The following TMEM272 variants were observed in gnomAD, a reference collection of about 807,000 sequenced individuals.
TMEM272 encodes transmembrane protein 272, also known as long intergenic non-protein coding RNA 282.
In TMEM272, 8 loss-of-function variants were observed where a neutral mutation model predicts 3.7. The ratio of observed to expected loss-of-function variants is 2.17; its 90% CI spans 1.27 to 3.91. The LOEUF is 3.91. Among genes scored for constraint, TMEM272 ranks in the 30% most tolerant of loss-of-function variants. TMEM272 has a pLI of 0.00. For missense variants in TMEM272, 166 were observed against 91.5 expected, an observed-to-expected ratio of 1.81 and a Z score of -3.32; for synonymous variants, 63 against 39.8, an observed-to-expected ratio of 1.58 and a Z score of -2.20.
At position 51,813,514 on chromosome 13, in the gene TMEM272, T is replaced by C. The variant is rs1029661663; in HGVS notation, c.*3237A>G. On this transcript the variant is annotated 3_prime_UTR_variant, in exon 5 of 5. Transcript: ENST00000629372. Reference sequence around the variant, plus strand: ...TGGAAGTGACATTATATTGTCCTCATGGTGACAACCAGGATGGGCCTGACA... The same window carrying C: ...TGGAAGTGACATTATATTGTCCTCACGGTGACAACCAGGATGGGCCTGACA... 2 of 359,246 alleles carry C rather than the reference T, an allele frequency of 5.6e-6. No individual in the cohort carries two copies. Among genetic ancestry groups the C allele is most frequent in the African/African-American group, 4.2e-5 (2 of 47,652 alleles). 22.3% of individuals were successfully genotyped at this position (359,246 alleles called of 1,614,324 possible).
chr13:51,910,291 A>G, the TMEM272 span: 2 of 1,426,006 alleles, frequency 1.4e-6, no homozygotes, highest in East Asian at 2.3e-5. Context: ...TCCTCTAAAG[A>G]TGACTCTACT....
the TMEM272 span, among the ~76,000 whole-genome samples, chr13:51,874,624 G>C: frequency 2.6e-5 from 4 of 152,168 alleles, no homozygotes; most frequent in African/African-American, 9.7e-5. Context: ...GCAGGCAAAG[G>C]AAAGATGCCC....
chr13:51,865,540 G>C, the TMEM272 span: 2 of 1,614,252 alleles, frequency 1.2e-6, no homozygotes, highest in Non-Finnish European at 1.7e-6. Context: ...TTCGCGAAGA[G>C]ATGAAAATTT....
chr13:51,924,520 G>A, the TMEM272 span, among the ~76,000 whole-genome samples: 2 of 152,280 alleles, frequency 1.3e-5, no homozygotes, highest in Non-Finnish European at 1.5e-5. Flanking sequence ...CATCTGCCCT[G>A]TTATTCTTCC....
the TMEM272 span, among the ~76,000 whole-genome samples, chr13:51,892,786 T>C: frequency 2.0e-5 from 3 of 152,084 alleles, no homozygotes; most frequent in Non-Finnish European, 2.9e-5. Flanking sequence ...AGTTCCTGGG[T>C]CTGGTGGCTC....
the TMEM272 span, among the ~76,000 whole-genome samples, chr13:51,853,644 T>C: frequency 6.6e-6 from 1 of 152,156 alleles, no homozygotes; most frequent in Non-Finnish European, 1.5e-5. Flanking sequence ...AATATATCCC[T>C]AATGGAATAA....
At chr13:51,847,379 C>T (rs1956312475), upstream of TMEM272, among the ~76,000 whole-genome samples, 1 of 152,178 alleles carries the variant, frequency 6.6e-6, no homozygotes, top group Non-Finnish European at 1.5e-5. Context: ...CTAGGTTGCA[C>T]ACTCCTTATG....
chr13:51,930,964 GA>G, the TMEM272 span, among the ~76,000 whole-genome samples: 1 of 151,190 alleles, frequency 6.6e-6, no homozygotes, highest in Non-Finnish European at 1.5e-5. Context: ...TGTCATTTTT[GA>G]AAAAAAATGA....
the TMEM272 span, among the ~76,000 whole-genome samples, chr13:51,914,184 C>A: frequency 5.3e-5 from 8 of 152,236 alleles, no homozygotes; most frequent in Non-Finnish European, 8.8e-5. Context: ...AGCTCAGGAA[C>A]AACAATCACC....
the TMEM272 span, among the ~76,000 whole-genome samples, chr13:51,852,568 T>G: frequency 6.6e-6 from 1 of 152,228 alleles, no homozygotes; most frequent in Admixed American, 6.5e-5. Context: ...CAGTTTGATC[T>G]ACTTTTCCAG....
At chr13:51,826,860 G>T (rs1212654641) in intron 2 of TMEM272, among the ~76,000 whole-genome samples, 1 of 152,136 alleles carries the variant, frequency 6.6e-6, no homozygotes, top group Non-Finnish European at 1.5e-5. Context: ...CGATGCCAAG[G>T]CCCAGATATC....
the TMEM272 span, among the ~76,000 whole-genome samples, chr13:51,864,961 T>C: frequency 6.6e-6 from 1 of 152,246 alleles, no homozygotes; most frequent in East Asian, 1.9e-4. Context: ...AGCATGCCCA[T>C]AGGCAGATAG....
chr13:51,898,881 C>A, the TMEM272 span, among the ~76,000 whole-genome samples: 1 of 152,040 alleles, frequency 6.6e-6, no homozygotes, highest in African/African-American at 2.4e-5. Flanking sequence ...CTACCTTGTA[C>A]CTGCCTGTCA....
chr13:51,876,321 G>A, the TMEM272 span, among the ~76,000 whole-genome samples: 1 of 152,300 alleles, frequency 6.6e-6, no homozygotes, highest in African/African-American at 2.4e-5. Context: ...GCCCCTGGTG[G>A]TCTGTCTATT....
the TMEM272 span, among the ~76,000 whole-genome samples, chr13:51,896,387 T>C: frequency 1.3e-5 from 2 of 152,138 alleles, no homozygotes; most frequent in African/African-American, 4.8e-5. Flanking sequence ...AGAATAATTA[T>C]TGAAGTTTTC....
chr13:51,875,743 G>C, the TMEM272 span, among the ~76,000 whole-genome samples: 49,870 of 152,014 alleles, frequency 0.33, 8,325 homozygotes, highest in East Asian at 0.45. Flanking sequence ...CAGGGCATGA[G>C]CGCAAGCCCA....
chr13:51,918,652 G>T, the TMEM272 span, among the ~76,000 whole-genome samples: 2 of 151,932 alleles, frequency 1.3e-5, no homozygotes, highest in Non-Finnish European at 2.9e-5. Context: ...TTGGAACAAC[G>T]TCTTGCTCTG....
chr13:51,877,872 C>T, the TMEM272 span, among the ~76,000 whole-genome samples: 1 of 152,138 alleles, frequency 6.6e-6, no homozygotes, highest in Non-Finnish European at 1.5e-5. Context: ...ATACTTAGGC[C>T]TCTCCCATAT....
chr13:51,873,446 G>A, the TMEM272 span, among the ~76,000 whole-genome samples: 1 of 152,168 alleles, frequency 6.6e-6, no homozygotes, highest in Non-Finnish European at 1.5e-5. Context: ...AGTATATAAT[G>A]CCTAACACTA....
Sources: gnomAD v4.1 joint callset for allele counts (sites outside exome capture counted in the v4.1 genomes callset) on GRCh38, gnomAD v4.1.1 for gene constraint, MANE v1.5 for transcripts, NCBI Gene and HGNC (gene_info 2026-07-23, HGNC 2026-07-21) for gene names.